The following HMGN5 variants were observed in gnomAD, a reference collection of about 807,000 sequenced individuals.
The protein encoded by HMGN5 is high mobility group nucleosome-binding domain-containing protein 5.
A neutral mutation model predicts 9.5 loss-of-function variants in HMGN5; 4 were observed. The ratio of observed to expected loss-of-function variants is 0.42; its 90% CI spans 0.21 to 0.96. The LOEUF is 0.96. Among genes scored for constraint, HMGN5 ranks in the 40% least tolerant of loss-of-function variants. The probability of loss-of-function intolerance (pLI) is 0.30; values close to 1 mark genes in which losing one functional copy is unlikely to be tolerated. For synonymous variants in HMGN5, 55 were observed against 57.1 expected (o/e 0.96, Z 0.16); for missense variants, 192 against 187.5 (o/e 1.02, Z -0.14).
chrX:81,137,466 C>T (rs1401928154), intron 1 of HMGN5, among the ~76,000 whole-genome samples: 11 of 110,722 alleles, frequency 9.9e-5, no homozygotes, highest in Non-Finnish European at 1.9e-4. Context: ...AACAAAACAC[C>T]TTTATATAGC....
At chrX:81,196,972 A>G (rs867553582) in intron 1 of HMGN5, among the ~76,000 whole-genome samples, 1 of 111,678 alleles carries the variant, frequency 9.0e-6, no homozygotes, top group African/African-American at 3.3e-5. Flanking sequence ...AGGCCTCCCC[A>G]GCTATGCAGA....
At chrX:81,151,575 C>G (rs1213226434) in intron 1 of HMGN5, among the ~76,000 whole-genome samples, 1 of 111,029 alleles carries the variant, frequency 9.0e-6, no homozygotes, top group Non-Finnish European at 1.9e-5. Context: ...TCTTCCTACC[C>G]ATGAGCATGG....
At chrX:81,152,596 A>C (rs1422769541) in intron 1 of HMGN5, among the ~76,000 whole-genome samples, 1 of 111,363 alleles carries the variant, frequency 9.0e-6, no homozygotes, top group East Asian at 2.9e-4. Context: ...GTGATCCCTC[A>C]GGGATCTAGA....
chrX:81,201,010 T>A (rs907381274), intron 1 of HMGN5, among the ~76,000 whole-genome samples: 6 of 111,127 alleles, frequency 5.4e-5, no homozygotes, highest in African/African-American at 1.6e-4. Flanking sequence ...AAGGACAACA[T>A]GTAAAGAGAT....
At chrX:81,201,137 G>A (rs1333934004) in intron 1 of HMGN5, among the ~76,000 whole-genome samples, 5 of 110,805 alleles carry the variant, frequency 4.5e-5, no homozygotes, top group African/African-American at 6.6e-5. Flanking sequence ...CACTAGACTG[G>A]AGACAGTGGA....
chrX:81,121,261 G>A (rs12010439), intron 2 of HMGN5, among the ~76,000 whole-genome samples: 2,471 of 109,584 alleles, frequency 0.023, 66 homozygotes, highest in African/African-American at 0.078. Flanking sequence ...ACAGCCCAGC[G>A]CTATGGCTGT....
intron 1 of HMGN5, among the ~76,000 whole-genome samples, chrX:81,145,916 T>C (rs1168763129): frequency 9.0e-6 from 1 of 111,562 alleles, no homozygotes; most frequent in Non-Finnish European, 1.9e-5. Context: ...GAGCATTATA[T>C]AGTGGTAAAG....
At chrX:81,193,649 T>C (rs1176942118) in intron 1 of HMGN5, among the ~76,000 whole-genome samples, 2 of 111,874 alleles carry the variant, frequency 1.8e-5, no homozygotes, top group African/African-American at 6.5e-5. Flanking sequence ...ATAAAAAGTA[T>C]AAGATTGGAA....
At chrX:81,121,708 T>G (rs780449342) in intron 1 of HMGN5, 36 bp from the exon 2 acceptor site, 5 of 390,926 alleles carry the variant, frequency 1.3e-5, no homozygotes, top group Non-Finnish European at 2.2e-5. Context: ...ATTGGCAACA[T>G]TAAACACGCC....
rs761135255 is a variant in HMGN5 at position 81,165,038 on chromosome X, T to C, written c.-124+36699A>G. Among the ~76,000 whole-genome samples the C allele has an allele frequency of 3.6e-5, 4 of 111,585 alleles. No homozygotes were observed. The East Asian group carries it at 1.1e-3, about 32-fold the overall frequency. ...ATGATTAAATGCAGCTCACTTTCTA[T>C]CTGGGAGACAGCATGATATAGTGGA... On this transcript the variant is annotated intron_variant, in intron 1 of 6. Coordinates refer to ENST00000358130, the MANE Select transcript of HMGN5 (RefSeq NM_030763.3).
chrX:81,127,235 G>A (rs1483785156), intron 1 of HMGN5, among the ~76,000 whole-genome samples: 1 of 111,306 alleles, frequency 9.0e-6, no homozygotes, highest in Non-Finnish European at 1.9e-5. Context: ...ACTAATGCTG[G>A]TTACTCTTAC....
At chrX:81,185,614 T>A (rs57773990) in intron 1 of HMGN5, among the ~76,000 whole-genome samples, 1,265 of 111,639 alleles carry the variant, frequency 0.011, 17 homozygotes, top group African/African-American at 0.038. Context: ...TTTGTTCCTC[T>A]TTTCTGATTA....
intron 1 of HMGN5, among the ~76,000 whole-genome samples, chrX:81,132,905 C>A (rs1378009382): frequency 9.0e-6 from 1 of 110,921 alleles, no homozygotes; most frequent in African/African-American, 3.3e-5. Flanking sequence ...CAAACACCAC[C>A]AATAGAGTAG....
chrX:81,158,783 T>C (rs1317249762), intron 1 of HMGN5, among the ~76,000 whole-genome samples: 1 of 111,974 alleles, frequency 8.9e-6, no homozygotes, highest in Non-Finnish European at 1.9e-5. Context: ...TCTTCTAGGG[T>C]TTTTATAGTT....
chrX:81,194,670 G>A (rs912032683), intron 1 of HMGN5, among the ~76,000 whole-genome samples: 5 of 111,610 alleles, frequency 4.5e-5, no homozygotes, highest in Admixed American at 1.9e-4. Context: ...ATTCTGGGAC[G>A]ACCTTTTGTA....
At chrX:81,138,373 T>C (rs1393019065) in intron 1 of HMGN5, among the ~76,000 whole-genome samples, 2 of 111,592 alleles carry the variant, frequency 1.8e-5, no homozygotes, top group Non-Finnish European at 3.8e-5. Context: ...GCAATATTTA[T>C]CAACAGGTGA....
At chrX:81,190,437 A>G (rs2075490898) in intron 1 of HMGN5, among the ~76,000 whole-genome samples, 1 of 111,015 alleles carries the variant, frequency 9.0e-6, no homozygotes, top group Non-Finnish European at 1.9e-5. Context: ...GACCCCATAA[A>G]TAAACCCCAT....
intron 1 of HMGN5, among the ~76,000 whole-genome samples, chrX:81,146,407 T>A (rs1742270622): frequency 9.0e-6 from 1 of 111,214 alleles, no homozygotes; most frequent in African/African-American, 3.3e-5. Flanking sequence ...ACTGGGTAAA[T>A]AATGAAATGA....
chrX:81,121,449 A>G, intron 2 of HMGN5, 86 bp downstream of exon 2: 1 of 1,021,551 alleles, frequency 9.8e-7, no homozygotes, highest in East Asian at 3.0e-5. Context: ...AGCTTTAAAA[A>G]AAACCAAACA....
Sources: gnomAD v4.1 joint callset for allele counts (sites outside exome capture counted in the v4.1 genomes callset) on GRCh38, gnomAD v4.1.1 for gene constraint, MANE v1.5 for transcripts, NCBI Gene and HGNC (gene_info 2026-07-23, HGNC 2026-07-21) for gene names.